MRPL34: variants seen among roughly 807,000 people sequenced by gnomAD.
MRPL34 encodes the protein mitochondrial ribosomal protein L34, also known as large ribosomal subunit protein bL34m.
In MRPL34, 8 loss-of-function variants were observed where a neutral mutation model predicts 6.7. The observed-to-expected ratio is 1.20, with a 90% CI of 0.70 to 2.16. The LOEUF is 2.16. Among genes scored for constraint, MRPL34 ranks in the 30% most tolerant of loss-of-function variants. The pLI is 0.00. For missense variants in MRPL34, 146 were observed against 125.5 expected, an observed-to-expected ratio of 1.16 and a Z score of -0.78; for synonymous variants, 59 against 55.1, an observed-to-expected ratio of 1.07 and a Z score of -0.31.
chr19:17,301,504 A>G, upstream of MRPL34: 2 of 1,611,626 alleles, frequency 1.2e-6, no homozygotes, highest in Non-Finnish European at 1.7e-6. Flanking sequence ...GCCGGGCTTG[A>G]CCTCTACAAA....
chr19:17,292,851 C>G, exon 1 of MRPL34: 1 of 1,604,560 alleles, frequency 6.2e-7, no homozygotes, highest in Non-Finnish European at 8.5e-7. Context: ...ACGCAGGGCT[C>G]AAGGTAGGCG....
chr19:17,304,317 G>C (rs1030445924), upstream of MRPL34, among the ~76,000 whole-genome samples: 1 of 152,110 alleles, frequency 6.6e-6, no homozygotes, highest in African/African-American at 2.4e-5. Context: ...GTGTGACCTC[G>C]GGCAAGTTAC....
At chr19:17,305,869 G>T (rs1227341723), upstream of MRPL34, 4 of 1,611,820 alleles carry the variant, frequency 2.5e-6, no homozygotes, top group African/African-American at 2.7e-5. Flanking sequence ...GCCCGCAGCC[G>T]GTACTGCGGG....
chr19:17,302,617 C>T (rs188796456), upstream of MRPL34, among the ~76,000 whole-genome samples: 2 of 152,248 alleles, frequency 1.3e-5, no homozygotes, highest in Admixed American at 1.3e-4. Context: ...TCATAGAGGG[C>T]CAAGCTGAGG....
chr19:17,295,683 C>T (rs560487846), intron 1 of MRPL34, among the ~76,000 whole-genome samples: 275 of 151,826 alleles, frequency 1.8e-3, no homozygotes, highest in African/African-American at 6.2e-3. Flanking sequence ...GCGGGGATTA[C>T]AGGCATGAGC....
chr19:17,301,636 G>C (rs1226853346), upstream of MRPL34: 8 of 1,521,864 alleles, frequency 5.3e-6, no homozygotes, highest in African/African-American at 1.1e-4. Flanking sequence ...TGTGAGTGAG[G>C]ACAGCAGCCA....
upstream of MRPL34, among the ~76,000 whole-genome samples, chr19:17,303,968 C>G (rs71338624): frequency 0.34 from 52,010 of 151,594 alleles, 9,454 homozygotes; most frequent in South Asian, 0.42. Flanking sequence ...CTACGCCCCC[C>G]CCTTTTCTTT....
chr19:17,305,975 C>T lies in MRPL34; in HGVS notation c.65+18C>T. On this transcript the variant is annotated intron_variant, in intron 1 of 1. Coordinates refer to ENST00000252602, the MANE Select transcript of MRPL34 (RefSeq NM_023937.4). Reference sequence around the variant, plus strand: ...GGTGGCAGGTAAGTCCTCAGGGGGACCCTTCCCCAAATCAGGGAATAAGGG... The same window carrying T: ...GGTGGCAGGTAAGTCCTCAGGGGGATCCTTCCCCAAATCAGGGAATAAGGG... The T allele has an allele frequency of 4.3e-6, 7 of 1,613,816 alleles. No homozygotes were observed. Among genetic ancestry groups the T allele is most frequent in the South Asian group, 1.1e-5 (1 of 91,080 alleles).
chr19:17,300,443 G>T (rs1165031878), upstream of MRPL34, among the ~76,000 whole-genome samples: 2 of 151,840 alleles, frequency 1.3e-5, no homozygotes, highest in African/African-American at 2.4e-5. Flanking sequence ...CTTGCCTCAA[G>T]ATATCCTCCC....
chr19:17,306,102 G>A (rs542255364), intron 1 of MRPL34, 64 bp from the exon 2 acceptor site: 4 of 1,492,088 alleles, frequency 2.7e-6, no homozygotes, highest in East Asian at 2.4e-5. Context: ...GGCTCAGAGA[G>A]GTTGAGCGCC....
At position 17,305,996 on chromosome 19, in the gene MRPL34, A is replaced by C. The variant is rs752350766; in HGVS notation, c.65+39A>C. 6 of 1,611,084 alleles carry C rather than the reference A, an allele frequency of 3.7e-6. No homozygotes were observed. In the South Asian group the frequency reaches 5.5e-5, roughly 15 times the overall value. ...GGGACCCTTCCCCAAATCAGGGAAT[A>C]AGGGCGGCTTCGGAGGCTGGCGCCA... On this transcript the variant is annotated intron_variant, in intron 1 of 1. Transcript: ENST00000252602.
chr19:17,293,759 G>A (rs1452392765), intron 1 of MRPL34, among the ~76,000 whole-genome samples: 1 of 151,242 alleles, frequency 6.6e-6, no homozygotes, highest in Non-Finnish European at 1.5e-5. Flanking sequence ...AGTGGTGCGA[G>A]CATGGCTCAC....
intron 1 of MRPL34, chr19:17,294,408 G>A (rs753466792): frequency 3.7e-6 from 6 of 1,614,074 alleles, no homozygotes; most frequent in South Asian, 1.1e-5. Context: ...AGTACTGGCC[G>A]CTCATCATGG....
At position 17,306,316 on chromosome 19, in the gene MRPL34, G is replaced by C. The variant is rs762448680; in HGVS notation, c.216G>C (p.Thr72=). ...NKHGWVRRLS[T]PAGVQVILRR... is the part of the protein sequence containing the mutation. ...ACGGCTGGGTCCGGCGCCTGAGCAC[G>C]CCGGCCGGCGTGCAGGTCATCCTTC... The change falls in exon 2 of 2, where the codon ACG becomes ACC. Residue 72 remains threonine, a synonymous_variant. Coordinates refer to ENST00000252602, the MANE Select transcript of MRPL34 (RefSeq NM_023937.4). The C allele has an allele frequency of 6.2e-7, 1 of 1,610,174 alleles. No homozygotes were observed. Among genetic ancestry groups the C allele is most frequent in the Non-Finnish European group, 8.5e-7 (1 of 1,179,190 alleles).
At chr19:17,305,112 T>C (rs899071712), upstream of MRPL34, among the ~76,000 whole-genome samples, 23 of 151,966 alleles carry the variant, frequency 1.5e-4, no homozygotes, top group African/African-American at 2.4e-5. Context: ...AAATGTAAGA[T>C]GGTGTGTGTA....
chr19:17,304,175 A>T (rs192017697), upstream of MRPL34, among the ~76,000 whole-genome samples: 12 of 152,270 alleles, frequency 7.9e-5, no homozygotes, highest in Non-Finnish European at 1.5e-4. Flanking sequence ...AGCCGATTTA[A>T]CCCATGGCTG....
upstream of MRPL34, among the ~76,000 whole-genome samples, chr19:17,302,529 C>T (rs959519326): frequency 1.2e-4 from 18 of 152,138 alleles, no homozygotes; most frequent in African/African-American, 4.3e-4. Context: ...AAGGTGAGGC[C>T]CTAGGAGAGG....
At chr19:17,301,776 TTGTGTGTG>T (rs10679164), upstream of MRPL34, among the ~76,000 whole-genome samples, 41 of 147,464 alleles carry the variant, frequency 2.8e-4, no homozygotes, top group Admixed American at 1.0e-3. Context: ...ATTTTTTTGT[TTGTGTGTG>T]TGTGTGTGTG....
chr19:17,306,384 C>T lies in MRPL34; in HGVS notation c.*5C>T, dbSNP rs553287368. 1.3e-6 allele frequency: 2 copies of T among 1,572,300 alleles called. No homozygotes were observed. The highest frequency in any genetic ancestry group is 2.3e-5 in the East Asian group (1 of 43,300). Reference sequence around the variant, plus strand: ...CGCAAGTCGCTGAGCCATTGAGGATCGCGACGCAGTCGGCGGGACCCTCAT... The same window carrying T: ...CGCAAGTCGCTGAGCCATTGAGGATTGCGACGCAGTCGGCGGGACCCTCAT... On this transcript the variant is annotated 3_prime_UTR_variant, in exon 2 of 2. Coordinates refer to ENST00000252602, the MANE Select transcript of MRPL34 (RefSeq NM_023937.4).
Sources: gnomAD v4.1 joint callset for allele counts (sites outside exome capture counted in the v4.1 genomes callset) on GRCh38, gnomAD v4.1.1 for gene constraint, MANE v1.5 for transcripts, NCBI Gene and HGNC (gene_info 2026-07-23, HGNC 2026-07-21) for gene names.